Variants in CDH3 observed in about 807,000 individuals in gnomAD.
The protein encoded by CDH3 is cadherin 3, also known as cadherin-3.
Under a neutral mutation model 82.0 loss-of-function variants are expected in CDH3, and 54 were observed. The observed-to-expected ratio is 0.66, with a 90% CI of 0.53 to 0.83. The LOEUF (loss-of-function observed/expected upper bound fraction) is 0.83. Ranked by LOEUF, CDH3 falls within the 40% of genes least tolerant of loss-of-function variation. The pLI is 0.00. For missense variants in CDH3, 1,054 were observed against 1,084.6 expected, an observed-to-expected ratio of 0.97 and a Z score of 0.40; for synonymous variants, 446 against 437.9, an observed-to-expected ratio of 1.02 and a Z score of -0.23.
intron 1 of CDH3, among the ~76,000 whole-genome samples, chr16:68,712,738 G>A (rs995126755): frequency 6.6e-6 from 1 of 151,840 alleles, no homozygotes; most frequent in Admixed American, 6.6e-5. Context: ...CTGGAGTGCA[G>A]TGGCTCGATC....
intron 11 of CDH3, 84 bp from the exon 12 acceptor site, chr16:68,687,428 G>C (rs1435128313): frequency 3.0e-6 from 3 of 1,016,906 alleles, no homozygotes; most frequent in Non-Finnish European, 4.7e-6. Flanking sequence ...TGAGAGGTGA[G>C]AGCTGGGCGG....
At chr16:68,724,407 C>T (rs1049987892) in intron 2 of CDH3, among the ~76,000 whole-genome samples, 1 of 151,816 alleles carries the variant, frequency 6.6e-6, no homozygotes, top group African/African-American at 2.4e-5. Context: ...TCACTTGAGA[C>T]CAGGAGTTCA....
At chr16:68,688,005 T>C (rs1421288210) in intron 12 of CDH3, among the ~76,000 whole-genome samples, 1 of 150,362 alleles carries the variant, frequency 6.7e-6, no homozygotes, top group African/African-American at 2.4e-5. Flanking sequence ...ATGTAGAGCA[T>C]GTGAAGTGGA....
rs182141300 is a variant in CDH3, at chr16:68,662,468, C to T, written c.161-13917C>T. Among the ~76,000 whole-genome samples the T allele has an allele frequency of 9.9e-5, 15 of 151,692 alleles. No individual in the cohort carries two copies. The East Asian group carries it at 2.9e-3, about 29-fold the overall frequency. ...TGGACCATATAGTAAGACCTTGTCC[C>T]TTTAAAAAAGATATTTTTGGCTGGG... On this transcript the variant is annotated intron_variant, in intron 2 of 15. Coordinates refer to ENST00000264012, the MANE Select transcript of CDH3 (RefSeq NM_001793.6).
At chr16:68,656,108 G>C (rs1960403757) in intron 2 of CDH3, among the ~76,000 whole-genome samples, 1 of 152,136 alleles carries the variant, frequency 6.6e-6, no homozygotes, top group Non-Finnish European at 1.5e-5. Flanking sequence ...GTGTGAGGTG[G>C]GGAGAGCCAG....
At chr16:68,690,069 A>G (rs983640194) in intron 12 of CDH3, among the ~76,000 whole-genome samples, 5 of 151,964 alleles carry the variant, frequency 3.3e-5, no homozygotes, top group Non-Finnish European at 7.4e-5. Flanking sequence ...CCCCTTCTCC[A>G]CTCTGGGATT....
chr16:68,717,175 G>GCAGA (rs1370148229), intron 1 of CDH3, among the ~76,000 whole-genome samples: 2 of 151,796 alleles, frequency 1.3e-5, no homozygotes, highest in Admixed American at 1.3e-4. Context: ...TTTTTCTATT[G>GCAGA]CAGATCTTTA....
chr16:68,649,620 C>G (rs1960180602), intron 2 of CDH3, among the ~76,000 whole-genome samples: 1 of 152,128 alleles, frequency 6.6e-6, no homozygotes, highest in African/African-American at 2.4e-5. Context: ...TCTCACGGTG[C>G]AGGGCCCCTG....
At chr16:68,722,913 C>A (rs978307935) in intron 2 of CDH3, among the ~76,000 whole-genome samples, 2 of 152,096 alleles carry the variant, frequency 1.3e-5, no homozygotes, top group Admixed American at 1.3e-4. Flanking sequence ...CCTGCCTCAG[C>A]TCCCTGAGTA....
In CDH3 at chr16:68,645,733, G is replaced by C. The variant is rs996191974; in HGVS notation, c.143G>C (p.Gly48Ala). ...GCGGGAGGCGCGGAGCAGGAGCCCG[G>C]CCAGGCGCTGGGGAAAGGTAAGATC... is the stretch of plus-strand genomic sequence containing the variant. The part of the protein sequence containing the change: ...LEAGGAEQEP[G>A]QALGKVFMGC... The change falls in exon 2 of 16, where the codon GGC becomes GCC. Residue 48 changes from glycine (G) to alanine (A), a missense_variant. By Grantham distance (60) the Gly-to-Ala change is moderately conservative (BLOSUM62 0). Transcript: ENST00000264012. 1 of 1,544,624 alleles carries C rather than the reference G, an allele frequency of 6.5e-7. No homozygotes were observed. Among genetic ancestry groups the C allele is most frequent in the South Asian group, 1.2e-5 (1 of 83,870 alleles).
downstream of CDH3, among the ~76,000 whole-genome samples, chr16:68,732,052 T>G (rs935570731): frequency 9.6e-5 from 3 of 31,300 alleles, no homozygotes; most frequent in Non-Finnish European, 2.7e-4. Flanking sequence ...AATAAAACTG[T>G]TTTTTTTTTT....
At chr16:68,647,408 T>G (rs1187644822) in intron 2 of CDH3, among the ~76,000 whole-genome samples, 1 of 152,118 alleles carries the variant, frequency 6.6e-6, no homozygotes, top group East Asian at 1.9e-4. Context: ...GGGGAAGCAG[T>G]GATCAGGTTT....
downstream of CDH3, among the ~76,000 whole-genome samples, chr16:68,703,682 C>T (rs1054292874): frequency 6.6e-6 from 1 of 152,234 alleles, no homozygotes; most frequent in African/African-American, 2.4e-5. Context: ...CATGGTGGCT[C>T]ACACCTGTAA....
At chr16:68,656,841 G>A (rs577486874) in intron 2 of CDH3, among the ~76,000 whole-genome samples, 1 of 152,300 alleles carries the variant, frequency 6.6e-6, no homozygotes, top group East Asian at 1.9e-4. Context: ...GGGTTGGCAG[G>A]CACTTCTGCC....
chr16:68,688,534 G>A (rs1961479824), intron 12 of CDH3, among the ~76,000 whole-genome samples: 1 of 152,132 alleles, frequency 6.6e-6, no homozygotes, highest in Non-Finnish European at 1.5e-5. Context: ...GTTGCAGTGA[G>A]CCGTGATTGT....
intron 2 of CDH3, among the ~76,000 whole-genome samples, chr16:68,658,838 A>G (rs1960478904): frequency 6.6e-6 from 1 of 152,046 alleles, no homozygotes; most frequent in African/African-American, 2.4e-5. Context: ...TTGGCCTCTG[A>G]GTCAGTAGTT....
intron 2 of CDH3, among the ~76,000 whole-genome samples, chr16:68,653,066 T>C (rs1413385339): frequency 6.6e-6 from 1 of 152,172 alleles, no homozygotes; most frequent in East Asian, 1.9e-4. Context: ...ACTGTGATCC[T>C]GGACTGAGAT....
At chr16:68,646,737 A>C (rs1960084345) in intron 2 of CDH3, among the ~76,000 whole-genome samples, 1 of 152,102 alleles carries the variant, frequency 6.6e-6, no homozygotes, top group Non-Finnish European at 1.5e-5. Context: ...TTACACTGAA[A>C]TTTTTGGGAA....
downstream of CDH3, among the ~76,000 whole-genome samples, chr16:68,731,020 CAAAAAAAAAAA>C (rs1168041237): frequency 1.1e-3 from 38 of 34,888 alleles, no homozygotes; most frequent in African/African-American, 6.1e-3. Context: ...AACTCCGTCT[CAAAAAAAAAAA>C]AAAAAAAAAA....
Sources: gnomAD v4.1 joint callset for allele counts (sites outside exome capture counted in the v4.1 genomes callset) on GRCh38, gnomAD v4.1.1 for gene constraint, MANE v1.5 for transcripts, NCBI Gene and HGNC (gene_info 2026-07-23, HGNC 2026-07-21) for gene names.